BBX: variants seen among roughly 807,000 people sequenced by gnomAD.
The protein encoded by BBX is BBX high mobility group box domain containing.
In BBX, 30 loss-of-function variants were observed where a neutral mutation model predicts 100.2. The observed-to-expected ratio is 0.30, with a 90% confidence interval of 0.22 to 0.41. The LOEUF (loss-of-function observed/expected upper bound fraction) is 0.41, where lower values mean the gene tolerates loss of function less well. BBX is among the 10% of genes least tolerant of loss of function. BBX has a pLI of 1.00. For missense variants in BBX, 1,023 were observed against 1,129.8 expected, an observed-to-expected ratio of 0.91 and a Z score of 1.35; for synonymous variants, 376 against 388.1, an observed-to-expected ratio of 0.97 and a Z score of 0.37.
At chr3:107,620,947 G>C (rs960768243) in intron 2 of BBX, among the ~76,000 whole-genome samples, 12 of 150,458 alleles carry the variant, frequency 8.0e-5, no homozygotes, top group Admixed American at 1.3e-4. Context: ...TGTGTGTGGG[G>C]GGGTGGGGGG....
At chr3:107,649,523 C>T (rs751418579) in intron 3 of BBX, among the ~76,000 whole-genome samples, 1 of 152,072 alleles carries the variant, frequency 6.6e-6, no homozygotes, top group African/African-American at 2.4e-5. Flanking sequence ...TGAAAAGAGT[C>T]CCTGGCACAT....
At chr3:107,764,810 A>G (rs895687590) in intron 10 of BBX, among the ~76,000 whole-genome samples, 2 of 152,220 alleles carry the variant, frequency 1.3e-5, no homozygotes, top group Non-Finnish European at 2.9e-5. Flanking sequence ...CCCACAATGT[A>G]GCCTTATTCA....
chr3:107,795,295 C>T (rs1559772708), intron 15 of BBX, among the ~76,000 whole-genome samples: 1 of 152,260 alleles, frequency 6.6e-6, no homozygotes, highest in East Asian at 1.9e-4. Context: ...AATTACTTCT[C>T]GGATACAGTC....
intron 2 of BBX, among the ~76,000 whole-genome samples, chr3:107,620,148 T>C (rs1174050783): frequency 6.6e-6 from 1 of 152,170 alleles, no homozygotes; most frequent in Admixed American, 6.5e-5. Context: ...CTGATCTTTT[T>C]GCCTCTGTCC....
At chr3:107,716,257 C>T (rs2107370064) in intron 4 of BBX, among the ~76,000 whole-genome samples, 1 of 152,218 alleles carries the variant, frequency 6.6e-6, no homozygotes, top group South Asian at 2.1e-4. Flanking sequence ...AATATTATAT[C>T]AGACATTGAG....
At chr3:107,682,467 C>A (rs534140527) in intron 3 of BBX, among the ~76,000 whole-genome samples, 1 of 151,974 alleles carries the variant, frequency 6.6e-6, no homozygotes, top group Admixed American at 6.6e-5. Context: ...TACTGTGGGA[C>A]CGAAGGGTCT....
chr3:107,752,627 A>C (rs545673083), intron 9 of BBX, among the ~76,000 whole-genome samples: 5 of 152,320 alleles, frequency 3.3e-5, no homozygotes, highest in Admixed American at 3.3e-4. Context: ...CATTTTTCTT[A>C]GCACTTTAGC....
rs80152782 is a variant in BBX at position 107,528,583 on chromosome 3, G to A, written c.-84+2185G>A. ...ACATACTTTGAAAATGGTATATATA[G>A]CACTTTTGACCTTATAGATCTGATT... On this transcript the variant is annotated intron_variant, in intron 2 of 17. Transcript: ENST00000325805. Among the ~76,000 whole-genome samples the A allele has an allele frequency of 8.4e-3, 1,275 of 152,226 alleles. 8 individuals carry two copies. Among genetic ancestry groups the A allele is most frequent in the Non-Finnish European group, 0.013 (889 of 68,002 alleles).
intron 2 of BBX, among the ~76,000 whole-genome samples, chr3:107,549,311 A>G (rs1365062111): frequency 6.6e-6 from 1 of 152,116 alleles, no homozygotes; most frequent in Non-Finnish European, 1.5e-5. Context: ...CTAGTGGGGG[A>G]AAACAGAAAA....
At chr3:107,571,344 A>C (rs1405844929) in intron 2 of BBX, among the ~76,000 whole-genome samples, 1 of 152,106 alleles carries the variant, frequency 6.6e-6, no homozygotes, top group Non-Finnish European at 1.5e-5. Flanking sequence ...ATGGGTGAAT[A>C]ATCAGGCAGG....
intron 7 of BBX, among the ~76,000 whole-genome samples, chr3:107,736,348 G>A (rs1205654775): frequency 6.6e-6 from 1 of 151,892 alleles, no homozygotes; most frequent in East Asian, 1.9e-4. Context: ...GACAAAAATA[G>A]GCGGCAGGGA....
At chr3:107,728,549 C>T (rs1378460997) in intron 5 of BBX, among the ~76,000 whole-genome samples, 1 of 152,154 alleles carries the variant, frequency 6.6e-6, no homozygotes, top group Non-Finnish European at 1.5e-5. Flanking sequence ...AAGTATACAG[C>T]TTCTGAATCC....
chr3:107,538,526 A>T, intron 2 of BBX, among the ~76,000 whole-genome samples: 1 of 152,170 alleles, frequency 6.6e-6, no homozygotes, highest in East Asian at 1.9e-4. Flanking sequence ...ACTTTTCTTC[A>T]TTAAATAGAT....
Position 107,605,200 on chromosome 3 carries a change from G to A in BBX, c.-83-40636G>A, listed in dbSNP as rs576122356. Among the ~76,000 whole-genome samples, 285 of 152,240 alleles carry A rather than the reference G, an allele frequency of 1.9e-3. 1 individual carries two copies. The highest frequency in any genetic ancestry group is 6.3e-3 in the African/African-American group (260 of 41,542). On this transcript the variant is annotated intron_variant, in intron 2 of 17. Transcript: ENST00000325805. ...GAAGGAAATATTTTGCAAATGAGCA[G>A]GTGATTTGTGTACAGTTCACTACTG...
intron 3 of BBX, among the ~76,000 whole-genome samples, chr3:107,646,947 G>A (rs2057553630): frequency 6.6e-6 from 1 of 152,052 alleles, no homozygotes; most frequent in African/African-American, 2.4e-5. Flanking sequence ...GTCTAGGATT[G>A]TATACATAGT....
At chr3:107,542,989 C>T (rs2048971196) in intron 2 of BBX, among the ~76,000 whole-genome samples, 1 of 152,146 alleles carries the variant, frequency 6.6e-6, no homozygotes, top group South Asian at 2.1e-4. Context: ...CACACAGTTG[C>T]TCCTCAGTAG....
At chr3:107,585,827 A>T (rs943834829) in intron 2 of BBX, among the ~76,000 whole-genome samples, 1 of 152,210 alleles carries the variant, frequency 6.6e-6, no homozygotes, top group Non-Finnish European at 1.5e-5. Context: ...TATTAAAAAC[A>T]CAGTAGGCGG....
chr3:107,701,514 TG>T, intron 3 of BBX, among the ~76,000 whole-genome samples: 1 of 152,374 alleles, frequency 6.6e-6, no homozygotes, highest in South Asian at 2.1e-4. Context: ...TATTGTATAA[TG>T]GTCAAGAACC....
intron 2 of BBX, among the ~76,000 whole-genome samples, chr3:107,580,644 A>G (rs1156523253): frequency 1.3e-5 from 2 of 151,214 alleles, no homozygotes; most frequent in African/African-American, 4.9e-5. Context: ...TTTTTTTTTT[A>G]ATTGAGACAG....
Sources: gnomAD v4.1 joint callset for allele counts (sites outside exome capture counted in the v4.1 genomes callset) on GRCh38, gnomAD v4.1.1 for gene constraint, MANE v1.5 for transcripts, NCBI Gene and HGNC (gene_info 2026-07-23, HGNC 2026-07-21) for gene names.